The following GRIN2A variants were observed in gnomAD, a reference collection of about 807,000 sequenced individuals.
The protein encoded by GRIN2A is glutamate ionotropic receptor NMDA type subunit 2A.
In GRIN2A, 22 loss-of-function variants were observed where a neutral mutation model predicts 113.4. The ratio of observed to expected loss-of-function variants is 0.19; its 90% CI spans 0.14 to 0.28. The LOEUF is 0.28. Among genes scored for constraint, GRIN2A ranks in the 10% least tolerant of loss-of-function variants. GRIN2A has a pLI of 1.00. For synonymous variants in GRIN2A, 827 were observed against 738.4 expected, an observed-to-expected ratio of 1.12 and a Z score of -1.94; for missense variants, 1,502 against 1,887.0, an observed-to-expected ratio of 0.80 and a Z score of 3.78.
rs545190674 is a variant in GRIN2A, at chr16:10,155,645, C to T, written c.414+24353G>A. 3.9e-5 allele frequency among the ~76,000 whole-genome samples: 6 copies of T among 152,264 alleles called. No homozygotes were observed. In the South Asian group the frequency reaches 8.3e-4, roughly 21 times the overall value. On this transcript the variant is annotated intron_variant, in intron 2 of 12. Transcript: ENST00000330684. ...TCTCACACTGATAATAAAGACATATCGGAGACTGGTAACTTATAAGGGAAA... is the reference window on the plus strand; with the variant it reads ...TCTCACACTGATAATAAAGACATATTGGAGACTGGTAACTTATAAGGGAAA...
chr16:9,940,300 GAA>G (rs2044841348), intron 2 of GRIN2A, among the ~76,000 whole-genome samples: 1 of 152,092 alleles, frequency 6.6e-6, no homozygotes, highest in Non-Finnish European at 1.5e-5. Flanking sequence ...AGGCAGAGAA[GAA>G]ACAAGAATAA....
intron 2 of GRIN2A, among the ~76,000 whole-genome samples, chr16:9,982,957 A>G (rs2045917645): frequency 6.6e-6 from 1 of 152,146 alleles, no homozygotes; most frequent in African/African-American, 2.4e-5. Flanking sequence ...TTTTAAGTAA[A>G]AATACATCAT....
chr16:10,082,458 G>A (rs371961749), intron 2 of GRIN2A, among the ~76,000 whole-genome samples: 7 of 152,146 alleles, frequency 4.6e-5, no homozygotes, highest in African/African-American at 9.7e-5. Flanking sequence ...ATAGGACATC[G>A]CTTCTGTGAT....
rs543087357 is a variant in GRIN2A, at chr16:10,139,622, A to G, written c.414+40376T>C. Among the ~76,000 whole-genome samples the G allele has an allele frequency of 6.6e-5, 10 of 152,332 alleles. No individual in the cohort carries two copies. The South Asian group carries it at 2.1e-3, about 32-fold the overall frequency. On this transcript the variant is annotated intron_variant, in intron 2 of 12. Transcript: ENST00000330684. ...TTTCCAGACTTTCTTTACGATAAGA[A>G]TCACCTGGGGATACCTTGTTAAAAA...
intron 11 of GRIN2A, among the ~76,000 whole-genome samples, chr16:9,782,202 T>C (rs79907481): frequency 0.014 from 2,181 of 152,318 alleles, 49 homozygotes; most frequent in African/African-American, 0.05. Context: ...ATACAGACTT[T>C]TTTTTCTTGT....
intron 2 of GRIN2A, among the ~76,000 whole-genome samples, chr16:10,169,877 G>A (rs1039931163): frequency 8.6e-5 from 13 of 152,002 alleles, no homozygotes; most frequent in South Asian, 6.2e-4. Flanking sequence ...AGGCCACAAC[G>A]TATGTGGCCT....
At chr16:9,899,036 A>C (rs1298732932) in intron 3 of GRIN2A, among the ~76,000 whole-genome samples, 1 of 151,960 alleles carries the variant, frequency 6.6e-6, no homozygotes, top group African/African-American at 2.4e-5. Flanking sequence ...TGACGGCAGC[A>C]CCTTCCTCTT....
intron 2 of GRIN2A, among the ~76,000 whole-genome samples, chr16:10,110,215 C>T (rs561077127): frequency 8.1e-4 from 123 of 152,272 alleles, no homozygotes; most frequent in African/African-American, 2.9e-3. Flanking sequence ...CACGCAGAGG[C>T]TACAGGGTAA....
chr16:9,983,714 C>T (rs2045931682), intron 2 of GRIN2A, among the ~76,000 whole-genome samples: 1 of 152,182 alleles, frequency 6.6e-6, no homozygotes, highest in Non-Finnish European at 1.5e-5. Context: ...GCTGGGATTA[C>T]AGGTGTGAGC....
chr16:9,826,283 C>T (rs2042385771), intron 9 of GRIN2A, among the ~76,000 whole-genome samples: 1 of 152,172 alleles, frequency 6.6e-6, no homozygotes, highest in Non-Finnish European at 1.5e-5. Context: ...ATCTGCCTCC[C>T]AGAGATGGAT....
chr16:9,846,247 T>G (rs1190151680), intron 5 of GRIN2A, among the ~76,000 whole-genome samples: 1 of 151,850 alleles, frequency 6.6e-6, no homozygotes, highest in African/African-American at 2.4e-5. Flanking sequence ...GGACTGCTTA[T>G]CAAAAAAAAA....
intron 3 of GRIN2A, among the ~76,000 whole-genome samples, chr16:9,907,585 C>T (rs2044051596): frequency 1.3e-5 from 2 of 152,020 alleles, no homozygotes. Flanking sequence ...ACAGTCATGC[C>T]TCCAACAGTC....
At position 9,761,700 on chromosome 16, in the gene GRIN2A, C is replaced by T. The variant is rs1415475537; in HGVS notation, c.*1449G>A. ...AGGCTCCCCATGCATAAGTATTCCC[C>T]TCTCTGTCTCTAACTTAAAAAAAAA... On this transcript the variant is annotated 3_prime_UTR_variant, in exon 13 of 13. Coordinates refer to ENST00000330684, the MANE Select transcript of GRIN2A (RefSeq NM_001134407.3). 2 of 225,530 alleles carry T rather than the reference C, an allele frequency of 8.9e-6. No homozygotes were observed. The highest frequency in any genetic ancestry group is 1.3e-4 in the East Asian group (2 of 15,642). 14.0% of individuals were successfully genotyped at this position (225,530 alleles called of 1,614,324 possible).
chr16:9,832,473 A>T (rs1022122879), intron 8 of GRIN2A, among the ~76,000 whole-genome samples: 1 of 151,982 alleles, frequency 6.6e-6, no homozygotes, highest in South Asian at 2.1e-4. Context: ...CTTCTTCTTG[A>T]TATTTATTAT....
chr16:10,132,801 T>C (rs1233919358), intron 2 of GRIN2A, among the ~76,000 whole-genome samples: 4 of 152,200 alleles, frequency 2.6e-5, no homozygotes, highest in Non-Finnish European at 5.9e-5. Flanking sequence ...AGTTTCCCAT[T>C]GCTGCTGTAA....
At chr16:10,126,635 G>A (rs143806181) in intron 2 of GRIN2A, among the ~76,000 whole-genome samples, 137 of 152,092 alleles carry the variant, frequency 9.0e-4, no homozygotes, top group African/African-American at 2.8e-3. Flanking sequence ...ATCTTTGTGC[G>A]TTAAAGATAG....
Position 10,154,917 on chromosome 16 carries a change from G to C in GRIN2A, c.414+25081C>G, listed in dbSNP as rs75744527. 1.8e-4 allele frequency among the ~76,000 whole-genome samples: 28 copies of C among 152,318 alleles called. No homozygotes were observed. The East Asian group carries it at 5.4e-3, about 29-fold the overall frequency. ...TTTTATCAAGCCAACAAGAACAAGT[G>C]TTGTATAAAAAACAGAAGGGGAGTC... On this transcript the variant is annotated intron_variant, in intron 2 of 12. Transcript: ENST00000330684.
chr16:10,147,395 G>A (rs989098199), intron 2 of GRIN2A, among the ~76,000 whole-genome samples: 3 of 144,282 alleles, frequency 2.1e-5, no homozygotes, highest in African/African-American at 5.1e-5. Flanking sequence ...GATCATTTGA[G>A]CTCAGGAGTT....
chr16:9,860,730 T>C (rs1461687220), intron 4 of GRIN2A, among the ~76,000 whole-genome samples: 1 of 152,066 alleles, frequency 6.6e-6, no homozygotes, highest in Non-Finnish European at 1.5e-5. Context: ...GTCAGGCTGG[T>C]GTGAACTCAA....
Sources: allele counts gnomAD v4.1 joint callset (sites outside exome capture counted in the v4.1 genomes callset), GRCh38; gene constraint gnomAD v4.1.1; transcripts MANE v1.5; gene names NCBI Gene and HGNC (gene_info 2026-07-23, HGNC 2026-07-21).